RABGAP1L: variants seen among roughly 807,000 people sequenced by gnomAD.
RABGAP1L encodes RAB GTPase activating protein 1 like, also known as rab GTPase-activating protein 1-like.
RABGAP1L carries 63 observed loss-of-function variants against 137.7 expected under a neutral mutation model. The ratio of observed to expected loss-of-function variants is 0.46; its 90% CI spans 0.37 to 0.56. RABGAP1L has a LOEUF of 0.56. RABGAP1L is among the 20% of genes least tolerant of loss of function. RABGAP1L has a pLI of 0.00. For synonymous variants in RABGAP1L, 431 were observed against 433.7 expected, an observed-to-expected ratio of 0.99 and a Z score of 0.08; for missense variants, 1,095 against 1,244.0, an observed-to-expected ratio of 0.88 and a Z score of 1.80.
chr1:174,788,764 T>G (rs1687641136), intron 18 of RABGAP1L, among the ~76,000 whole-genome samples: 1 of 152,080 alleles, frequency 6.6e-6, no homozygotes, highest in East Asian at 1.9e-4. Context: ...CAGGCTGGAG[T>G]GCAATGGCAT....
chr1:174,940,203 T>C (rs1665624556), intron 19 of RABGAP1L, among the ~76,000 whole-genome samples: 2 of 152,160 alleles, frequency 1.3e-5, no homozygotes, highest in African/African-American at 4.8e-5. Flanking sequence ...CCTGATTTAT[T>C]TTCATAACTT....
chr1:174,558,960 C>G (rs1667045802), intron 13 of RABGAP1L, among the ~76,000 whole-genome samples: 1 of 152,100 alleles, frequency 6.6e-6, no homozygotes, highest in Admixed American at 6.5e-5. Flanking sequence ...GAAGGAATTA[C>G]CTATCTGGAA....
intron 17 of RABGAP1L, among the ~76,000 whole-genome samples, chr1:174,707,905 G>A (rs1680172090): frequency 2.0e-5 from 3 of 152,136 alleles, no homozygotes. Context: ...CTCTAAAAGT[G>A]TTTTTTGCTT....
At chr1:174,618,616 G>T (rs1162043571) in intron 13 of RABGAP1L, among the ~76,000 whole-genome samples, 1 of 152,102 alleles carries the variant, frequency 6.6e-6, no homozygotes. Context: ...AAACAGAAAG[G>T]ACATCCACAC....
chr1:174,862,660 C>G (rs1444912335), intron 19 of RABGAP1L, among the ~76,000 whole-genome samples: 1 of 152,098 alleles, frequency 6.6e-6, no homozygotes. Flanking sequence ...TTGGCTGTTC[C>G]CTAATTTTTC....
chr1:174,755,413 A>G (rs1684663946), intron 18 of RABGAP1L, among the ~76,000 whole-genome samples: 1 of 152,270 alleles, frequency 6.6e-6, no homozygotes, highest in South Asian at 2.1e-4. Context: ...ATGATCAGTC[A>G]GAATTGTTCT....
At chr1:174,483,076 CA>C (rs1659278666) in intron 13 of RABGAP1L, among the ~76,000 whole-genome samples, 2 of 152,096 alleles carry the variant, frequency 1.3e-5, no homozygotes, top group Non-Finnish European at 2.9e-5. Flanking sequence ...GTAATAATCA[CA>C]TCAGGGAAAG....
intron 13 of RABGAP1L, among the ~76,000 whole-genome samples, chr1:174,612,091 T>A (rs531006469): frequency 1.8e-4 from 27 of 152,080 alleles, no homozygotes; most frequent in Admixed American, 8.5e-4. Flanking sequence ...TCTAACACTA[T>A]GTTGAATAGG....
intron 17 of RABGAP1L, chr1:174,705,815 A>G (rs1679999809): frequency 4.6e-5 from 7 of 152,116 alleles, no homozygotes. Flanking sequence ...ATCAAAAGCT[A>G]TTATTTCATA....
At chr1:174,912,323 T>G (rs1002829465) in intron 19 of RABGAP1L, among the ~76,000 whole-genome samples, 2 of 152,082 alleles carry the variant, frequency 1.3e-5, no homozygotes, top group Non-Finnish European at 2.9e-5. Context: ...TTCATTTTTT[T>G]GTAGAAATGG....
At chr1:174,389,965 C>G (rs575250675) in intron 12 of RABGAP1L, among the ~76,000 whole-genome samples, 5 of 152,234 alleles carry the variant, frequency 3.3e-5, no homozygotes, top group African/African-American at 1.2e-4. Context: ...TTCCTGATAA[C>G]TGCAGTTAAT....
intron 19 of RABGAP1L, among the ~76,000 whole-genome samples, chr1:174,864,623 G>T (rs894861209): frequency 3.3e-5 from 5 of 152,164 alleles, no homozygotes; most frequent in African/African-American, 1.2e-4. Flanking sequence ...CCACCCCCAT[G>T]ATCTGGTCAC....
intron 13 of RABGAP1L, among the ~76,000 whole-genome samples, chr1:174,447,053 T>C (rs1403779720): frequency 6.6e-6 from 1 of 152,180 alleles, no homozygotes; most frequent in South Asian, 2.1e-4. Flanking sequence ...ATTATCATGC[T>C]CCATTATAAG....
intron 19 of RABGAP1L, among the ~76,000 whole-genome samples, chr1:174,918,823 A>ACCC (rs545089556): frequency 1.7e-5 from 2 of 120,744 alleles, no homozygotes; most frequent in African/African-American, 5.3e-5. Context: ...AGTGAGACCC[A>ACCC]CCCCCCCGAT....
intron 13 of RABGAP1L, among the ~76,000 whole-genome samples, chr1:174,589,985 A>G (rs183935928): frequency 1.6e-4 from 25 of 152,124 alleles, no homozygotes; most frequent in Admixed American, 9.8e-4. Flanking sequence ...ATTTATTTAT[A>G]TTTCTGTGAA....
intron 18 of RABGAP1L, among the ~76,000 whole-genome samples, chr1:174,789,664 G>A (rs1273984401): frequency 6.6e-6 from 1 of 152,156 alleles, no homozygotes; most frequent in African/African-American, 2.4e-5. Context: ...AACAATAAAT[G>A]TTAAATCTGT....
At chr1:174,634,140 C>T (rs1232828237) in intron 13 of RABGAP1L, among the ~76,000 whole-genome samples, 2 of 131,334 alleles carry the variant, frequency 1.5e-5, no homozygotes, top group African/African-American at 6.3e-5. Flanking sequence ...ACTCATCTGA[C>T]AAAGGGCTAA....
intron 13 of RABGAP1L, among the ~76,000 whole-genome samples, chr1:174,516,537 A>T (rs1662872092): frequency 6.6e-6 from 1 of 151,998 alleles, no homozygotes; most frequent in South Asian, 2.1e-4. Context: ...TTCAATATTA[A>T]TTTGAAGAAC....
chr1:174,911,863 TG>T (rs1558223623), intron 19 of RABGAP1L, among the ~76,000 whole-genome samples: 1 of 152,230 alleles, frequency 6.6e-6, no homozygotes, highest in Non-Finnish European at 1.5e-5. Context: ...AACAGATGAC[TG>T]TGTTCTGTTC....
Sources: gnomAD v4.1 joint callset for allele counts (sites outside exome capture counted in the v4.1 genomes callset) on GRCh38, gnomAD v4.1.1 for gene constraint, MANE v1.5 for transcripts, NCBI Gene and HGNC (gene_info 2026-07-23, HGNC 2026-07-21) for gene names.